The following FAM171B variants were observed in gnomAD, a reference collection of about 807,000 sequenced individuals.
FAM171B encodes protein FAM171B.
Under a neutral mutation model 75.6 loss-of-function variants are expected in FAM171B, and 19 were observed. The ratio of observed to expected loss-of-function variants is 0.25; its 90% CI spans 0.18 to 0.37. FAM171B has a LOEUF of 0.37. FAM171B is among the 10% of genes least tolerant of loss of function. The probability of loss-of-function intolerance (pLI) is 1.00; values close to 1 mark genes in which losing one functional copy is unlikely to be tolerated. For missense variants in FAM171B, 848 were observed against 982.4 expected, an observed-to-expected ratio of 0.86 and a Z score of 1.83; for synonymous variants, 367 against 361.7, an observed-to-expected ratio of 1.01 and a Z score of -0.17.
At chr2:186,711,187 C>T (rs903985225) in intron 1 of FAM171B, among the ~76,000 whole-genome samples, 31 of 152,196 alleles carry the variant, frequency 2.0e-4, no homozygotes, top group African/African-American at 7.5e-4. Flanking sequence ...AAATAGCATA[C>T]TTTACTTATA....
chr2:186,753,850 A>G, intron 5 of FAM171B, 83 bp from the exon 6 acceptor site: 2 of 1,018,676 alleles, frequency 2.0e-6, no homozygotes, highest in Admixed American at 1.9e-5. Flanking sequence ...ATAATCTTTG[A>G]AAAAGTCCCA....
chr2:186,751,957 G>C (rs1690462471), intron 5 of FAM171B, among the ~76,000 whole-genome samples: 1 of 152,176 alleles, frequency 6.6e-6, no homozygotes, highest in African/African-American at 2.4e-5. Flanking sequence ...CTACAGTCTA[G>C]ATAGTTTCAC....
chr2:186,710,420 C>A (rs1689794647), intron 1 of FAM171B, among the ~76,000 whole-genome samples: 1 of 152,200 alleles, frequency 6.6e-6, no homozygotes, highest in Admixed American at 6.5e-5. Context: ...TTTGCTTCCT[C>A]TTTAGACCTT....
chr2:186,702,807 T>A (rs1430716935), intron 1 of FAM171B, among the ~76,000 whole-genome samples: 1 of 152,108 alleles, frequency 6.6e-6, no homozygotes, highest in African/African-American at 2.4e-5. Flanking sequence ...GAGTTAATAA[T>A]GCCAAAGTTC....
At chr2:186,758,593 G>A (rs1160477780) in intron 6 of FAM171B, among the ~76,000 whole-genome samples, 1 of 151,984 alleles carries the variant, frequency 6.6e-6, no homozygotes, top group Non-Finnish European at 1.5e-5. Flanking sequence ...ATAGCTTTTT[G>A]AGCACAATGA....
chr2:186,744,865 C>T (rs1242207923), intron 3 of FAM171B, among the ~76,000 whole-genome samples: 2 of 143,846 alleles, frequency 1.4e-5, no homozygotes, highest in African/African-American at 5.2e-5. Flanking sequence ...GTGTCTGGCT[C>T]TGTCACCCAG....
intron 1 of FAM171B, among the ~76,000 whole-genome samples, chr2:186,728,851 A>G (rs1559086283): frequency 6.6e-6 from 1 of 152,184 alleles, no homozygotes; most frequent in East Asian, 1.9e-4. Context: ...GGATGATGTC[A>G]GAGTCTCTTG....
intron 1 of FAM171B, among the ~76,000 whole-genome samples, chr2:186,734,142 G>A (rs931252613): frequency 7.9e-5 from 12 of 152,252 alleles, no homozygotes; most frequent in African/African-American, 2.6e-4. Flanking sequence ...ACTGTAGGAT[G>A]GGTGTTATCA....
At chr2:186,737,296 C>T (rs1349552191) in intron 1 of FAM171B, among the ~76,000 whole-genome samples, 2 of 152,202 alleles carry the variant, frequency 1.3e-5, no homozygotes, top group African/African-American at 4.8e-5. Context: ...AGGAGTAAGA[C>T]CAGAGGTTAA....
chr2:186,740,868 C>T (rs1574108479), intron 2 of FAM171B, among the ~76,000 whole-genome samples: 1 of 152,088 alleles, frequency 6.6e-6, no homozygotes, highest in East Asian at 1.9e-4. Flanking sequence ...GGTCTTGTGT[C>T]CCAACAGGTA....
rs1401495922 is a variant in FAM171B, at chr2:186,765,810, C to G, written c.*2987C>G. 1.3e-5 allele frequency: 2 copies of G among 151,972 alleles called. No individual in the cohort carries two copies. The highest frequency in any genetic ancestry group is 4.8e-5 in the African/African-American group (2 of 41,392). The allele number at this position is 151,972 out of a possible 1,614,324, so 9.4% of individuals were successfully genotyped here. ...TTTGCCTTCTTGTTTCCAGGTGTTTCTATTTTTTGTATTCTTTCAGAGAAA... is the reference window on the plus strand; with the variant it reads ...TTTGCCTTCTTGTTTCCAGGTGTTTGTATTTTTTGTATTCTTTCAGAGAAA... On this transcript the variant is annotated 3_prime_UTR_variant, in exon 8 of 8. Coordinates refer to ENST00000304698, the MANE Select transcript of FAM171B (RefSeq NM_177454.4).
In FAM171B at chr2:186,694,450, C is replaced by T. The variant is rs2276564; in HGVS notation, c.238+39C>T. On this transcript the variant is annotated intron_variant, in intron 1 of 7. Coordinates refer to ENST00000304698, the MANE Select transcript of FAM171B (RefSeq NM_177454.4). ...GCCCAGCCCGGTCTTTCAGTCTCGGCCGGCGATCTCTTAGGGCCTCGCCGG... is the reference window on the plus strand; with the variant it reads ...GCCCAGCCCGGTCTTTCAGTCTCGGTCGGCGATCTCTTAGGGCCTCGCCGG... 2.4e-4 allele frequency: 385 copies of T among 1,587,964 alleles called. 5 individuals carry two copies. The East Asian group carries it at 8.7e-3, about 36-fold the overall frequency.
At chr2:186,753,795 G>A in intron 5 of FAM171B, 138 bp from the exon 6 acceptor site, 1 of 572,024 alleles carries the variant, frequency 1.7e-6, no homozygotes, top group East Asian at 3.3e-5. Flanking sequence ...ATTATAATAT[G>A]ATGTGATATA....
chr2:186,695,659 C>T (rs1442765041), intron 1 of FAM171B, among the ~76,000 whole-genome samples: 1 of 152,138 alleles, frequency 6.6e-6, no homozygotes, highest in Admixed American at 6.5e-5. Flanking sequence ...CCAAAGTGTG[C>T]AGGAAAGCAT....
At position 186,747,264 on chromosome 2, in the gene FAM171B, T is replaced by G. The variant is rs747024768; in HGVS notation, c.724+14T>G. The G allele has an allele frequency of 2.6e-6, 4 of 1,543,608 alleles. No individual in the cohort carries two copies. The highest frequency in any genetic ancestry group is 2.5e-5 in the South Asian group (2 of 79,376). ...TCAATAAACCAGGTATTATCTACTT[T>G]TTGTATAATATAGTTATAAGAAACA... On this transcript the variant is annotated intron_variant, in intron 4 of 7. Coordinates refer to ENST00000304698, the MANE Select transcript of FAM171B (RefSeq NM_177454.4).
At position 186,722,175 on chromosome 2, in the gene FAM171B, T is replaced by G. The variant is rs1388974343; in HGVS notation, c.239-18053T>G. ...GTGCTTGCATGGAAAATTTAAAATG[T>G]CTTCTGGCACCCCTGTGAGTTTGTT... On this transcript the variant is annotated intron_variant, in intron 1 of 7. Coordinates refer to ENST00000304698, the MANE Select transcript of FAM171B (RefSeq NM_177454.4). Among the ~76,000 whole-genome samples the G allele has an allele frequency of 3.9e-5, 6 of 152,312 alleles. No individual in the cohort carries two copies. In the East Asian group the frequency reaches 1.2e-3, roughly 29 times the overall value.
intron 1 of FAM171B, among the ~76,000 whole-genome samples, chr2:186,699,454 C>A (rs1363520679): frequency 1.3e-5 from 2 of 152,004 alleles, no homozygotes; most frequent in Admixed American, 1.3e-4. Context: ...AGATCTTTTG[C>A]CTACTTTTAA....
At chr2:186,715,087 T>C (rs1689856755) in intron 1 of FAM171B, among the ~76,000 whole-genome samples, 1 of 152,168 alleles carries the variant, frequency 6.6e-6, no homozygotes, top group African/African-American at 2.4e-5. Context: ...AATAGAGAGA[T>C]GGGCATAGAA....
At chr2:186,738,706 A>G (rs1008850631) in intron 1 of FAM171B, among the ~76,000 whole-genome samples, 3 of 152,136 alleles carry the variant, frequency 2.0e-5, no homozygotes, top group Non-Finnish European at 4.4e-5. Context: ...TCCTGTTGCT[A>G]TTGATAGCAT....
Sources: allele counts gnomAD v4.1 joint callset (sites outside exome capture counted in the v4.1 genomes callset), GRCh38; gene constraint gnomAD v4.1.1; transcripts MANE v1.5; gene names NCBI Gene and HGNC (gene_info 2026-07-23, HGNC 2026-07-21).